The following JPH2 variants were observed in gnomAD, a reference collection of about 807,000 sequenced individuals.
JPH2 encodes junctophilin-2.
A neutral mutation model predicts 55.9 loss-of-function variants in JPH2; 38 were observed. That is an observed-to-expected ratio of 0.68 (90% CI 0.52 to 0.89). The LOEUF (loss-of-function observed/expected upper bound fraction) is 0.89, where lower values mean the gene tolerates loss of function less well. Among genes scored for constraint, JPH2 ranks in the 40% least tolerant of loss-of-function variants. The probability of loss-of-function intolerance (pLI) is 0.00; values close to 1 mark genes in which losing one functional copy is unlikely to be tolerated. For missense variants in JPH2, 964 were observed against 1,037.6 expected (o/e 0.93, Z 0.97); for synonymous variants, 480 against 472.4 (o/e 1.02, Z -0.21).
Position 44,114,813 on chromosome 20 carries a change from C to G in JPH2, c.2074G>C (p.Val692Leu). 1 of 1,606,334 alleles carries G rather than the reference C, an allele frequency of 6.2e-7. No homozygotes were observed. Among genetic ancestry groups the G allele is most frequent in the Non-Finnish European group, 8.5e-7 (1 of 1,177,156 alleles). ...LLNIGLAILF[V>L]HLLT ...AGCGACGGTCAGGTCAGGAGGTGAA[C>G]AAAGAGGATGGCCAGGCCGATGTTC... is the stretch of plus-strand genomic sequence containing the variant. The change falls in exon 5 of 6, where the codon GTT (valine) becomes CTT (leucine). Residue 692 changes from valine to leucine, a missense_variant. Coordinates refer to ENST00000372980, the MANE Select transcript of JPH2 (RefSeq NM_020433.5).
intron 3 of JPH2, 59 bp from the exon 4 acceptor site, chr20:44,116,445 G>C (rs2072193704): frequency 6.5e-7 from 1 of 1,534,568 alleles, no homozygotes; most frequent in Admixed American, 2.0e-5. Context: ...GGGTGATCCT[G>C]GGCCAGCCAC....
chr20:44,162,773 TATATATATATATATACACACAC>T lies in JPH2; in HGVS notation c.380-2388_380-2367del, dbSNP rs1413023879. ...ATATATATATATATATATATATATA[TATATATATATATATACACACAC>T]ACACACACACACACACACACACACA... On this transcript the variant is annotated intron_variant, in intron 1 of 5. Transcript: ENST00000372980. Among the ~76,000 whole-genome samples the T allele has an allele frequency of 4.5e-3, 371 of 81,888 alleles. 3 individuals are homozygous for T. The highest frequency in any genetic ancestry group is 0.018 in the African/African-American group (353 of 19,644). The allele number at this position is 81,888 out of a possible 152,430, so 53.7% of individuals were successfully genotyped here.
rs751173523 is a variant in JPH2 at position 44,159,700 on chromosome 20, G to T, written c.1087C>A (p.Arg363Ser). ...TCCACACTGTGCTCCACTTTCTGGC[G>T]GACCTTGTTGCTCTTGAGCTGCAGC... ...RMLQLKSNKVRQKVEHSVEGA... is the reference protein window; with the variant it reads ...RMLQLKSNKVSQKVEHSVEGA... The change falls in exon 2 of 6, where the codon CGC (arginine) becomes AGC (serine). Residue 363 changes from arginine (R) to serine (S), a missense_variant. By Grantham distance (110) the Arg-to-Ser change is moderately radical. Transcript: ENST00000372980. The surrounding 1 kb of genome is among the most constrained non-coding windows in gnomAD (Gnocchi z 5.7). 1.2e-6 allele frequency: 2 copies of T among 1,613,216 alleles called. No homozygotes were observed. Among genetic ancestry groups the T allele is most frequent in the Non-Finnish European group, 8.5e-7 (1 of 1,179,964 alleles).
chr20:44,115,783 G>A lies in JPH2; in HGVS notation c.1892C>T (p.Ala631Val), dbSNP rs2072184534. The A allele has an allele frequency of 5.6e-6, 9 of 1,610,590 alleles. No homozygotes were observed. Among genetic ancestry groups the A allele is most frequent in the Non-Finnish European group, 7.6e-6 (9 of 1,179,866 alleles). Reference sequence around the variant, plus strand: ...CTTGCGGGCCTTGGCCCTGGGCTCGGCTTTGGGGATGATGGGCTTGGGCTC... The same window carrying A: ...CTTGCGGGCCTTGGCCCTGGGCTCGACTTTGGGGATGATGGGCTTGGGCTC... ...KLEPKPIIPK[A>V]EPRAKARKTE... Residue 631 changes from alanine (A) to valine (V), a missense_variant, in exon 4 of 6, where the codon GCC becomes GTC. Physicochemically the swap from Ala to Val is moderately conservative, Grantham distance 64 (BLOSUM62 0). Coordinates refer to ENST00000372980, the MANE Select transcript of JPH2 (RefSeq NM_020433.5).
chr20:44,177,065 C>T (rs1053829138), intron 1 of JPH2: 17 of 985,418 alleles, frequency 1.7e-5, no homozygotes, highest in Middle Eastern at 5.2e-4. Context: ...GTGGATTCTG[C>T]CAGGCACAGA....
intron 1 of JPH2, chr20:44,178,030 A>G: frequency 1.2e-6 from 1 of 810,350 alleles, no homozygotes; most frequent in South Asian, 1.3e-5. Context: ...CCAGGTTCAT[A>G]TGGTTAAGAA....
At chr20:44,154,098 T>C (rs1420804086) in intron 2 of JPH2, among the ~76,000 whole-genome samples, 1 of 152,200 alleles carries the variant, frequency 6.6e-6, no homozygotes, top group Non-Finnish European at 1.5e-5. Context: ...TGAGTATATC[T>C]GTATCCTTTT....
In JPH2 at chr20:44,126,219, G is replaced by A. The variant is rs367750678; in HGVS notation, c.1170-7596C>T. 3.1e-4 allele frequency among the ~76,000 whole-genome samples: 44 copies of A among 139,872 alleles called. 1 individual carries two copies. In the South Asian group the frequency reaches 7.4e-3, roughly 24 times the overall value. 91.8% of individuals were successfully genotyped at this position (139,872 alleles called of 152,430 possible). A position where few individuals can be genotyped will look rare whatever the true frequency, so the allele number is the denominator to read the frequency against. ...GGAAGGAAGGAAGAAGGGGGGGAGG[G>A]GGCACAGTGTTTTGAAGGGGACTGA... On this transcript the variant is annotated intron_variant, in intron 2 of 5. Transcript: ENST00000372980.
chr20:44,131,029 C>T (rs2145850276), intron 2 of JPH2, among the ~76,000 whole-genome samples: 1 of 152,306 alleles, frequency 6.6e-6, no homozygotes, highest in Admixed American at 6.5e-5. Flanking sequence ...TTCTCTTCTT[C>T]AAAGTAAGAG....
At chr20:44,185,735 A>G (rs1184093931) in intron 1 of JPH2, among the ~76,000 whole-genome samples, 1 of 150,428 alleles carries the variant, frequency 6.6e-6, no homozygotes, top group Non-Finnish European at 1.5e-5. Flanking sequence ...GGGCAGGTAG[A>G]TGTATGAATG....
chr20:44,160,096 G>A lies in JPH2; in HGVS notation c.691C>T (p.Arg231Trp). The A allele has an allele frequency of 6.5e-7, 1 of 1,530,024 alleles. No homozygotes were observed. 94.8% of individuals were successfully genotyped at this position (1,530,024 alleles called of 1,614,324 possible). A position where few individuals can be genotyped will look rare whatever the true frequency, so the allele number is the denominator to read the frequency against. Residue 231 changes from arginine to tryptophan, a missense_variant, in exon 2 of 6, where the codon CGG (arginine) becomes TGG (tryptophan). Arg to Trp is a moderately radical substitution (Grantham distance 101, BLOSUM62 -3). Transcript: ENST00000372980. This position sits in a 1 kb window ranked among gnomAD's most constrained non-coding sequence, Gnocchi z 4.9. The part of the protein sequence containing the change: ...FQRGALLGKL[R>W]RAESRTSVGS... ...ACGGACGTGCGCGACTCTGCGCGCC[G>A]CAGCTTGCCCAGCAGCGCGCCCCGC... is the stretch of plus-strand genomic sequence containing the variant.
chr20:44,127,060 T>TCTATCATTTG (rs2072281947), intron 2 of JPH2, among the ~76,000 whole-genome samples: 1 of 152,212 alleles, frequency 6.6e-6, no homozygotes, highest in Non-Finnish European at 1.5e-5. Context: ...CTTCCAAAAT[T>TCTATCATTTG]CTATCATTTG....
At chr20:44,168,595 C>T (rs777038933) in intron 1 of JPH2, among the ~76,000 whole-genome samples, 29 of 151,992 alleles carry the variant, frequency 1.9e-4, no homozygotes, top group Non-Finnish European at 3.2e-4. Flanking sequence ...TTGGAAAAGC[C>T]GAAACTAAGA....
chr20:44,130,262 G>A (rs186625352), intron 2 of JPH2, among the ~76,000 whole-genome samples: 14 of 152,302 alleles, frequency 9.2e-5, no homozygotes, highest in Non-Finnish European at 1.6e-4. Context: ...CTGCTGCACC[G>A]CTTCAGCTCC....
At chr20:44,163,402 A>T (rs544391884) in intron 1 of JPH2, among the ~76,000 whole-genome samples, 127 of 152,262 alleles carry the variant, frequency 8.3e-4, no homozygotes, top group African/African-American at 2.7e-3. Flanking sequence ...GTAACTTTGG[A>T]GGCGAAGGAG....
Position 44,186,896 on chromosome 20 carries a change from G to T in JPH2, c.-191C>A. On this transcript the variant is annotated 5_prime_UTR_variant, in exon 1 of 6. Coordinates refer to ENST00000372980, the MANE Select transcript of JPH2 (RefSeq NM_020433.5). ...CGCCAAGTCAGCACCGGGTCGGCTA[G>T]TCAGTGCCATGCCCGGGAGCCCCGA... 1 of 620,452 alleles carries T rather than the reference G, an allele frequency of 1.6e-6. No individual in the cohort carries two copies. Among genetic ancestry groups the T allele is most frequent in the Non-Finnish European group, 2.8e-6 (1 of 354,530 alleles). 38.4% of individuals were successfully genotyped at this position (620,452 alleles called of 1,614,324 possible). A position where few individuals can be genotyped will look rare whatever the true frequency, so the allele number is the denominator to read the frequency against.
intron 1 of JPH2, among the ~76,000 whole-genome samples, chr20:44,178,612 T>G (rs2072754701): frequency 6.6e-6 from 1 of 152,160 alleles, no homozygotes. Flanking sequence ...TTGTTTTGTT[T>G]TGTTTTTGTT....
intron 2 of JPH2, among the ~76,000 whole-genome samples, chr20:44,119,184 A>G (rs145422002): frequency 1.4e-4 from 21 of 152,376 alleles, no homozygotes; most frequent in African/African-American, 4.6e-4. Flanking sequence ...CTATATCTTT[A>G]TAATCACATT....
rs1284848353 is a variant in JPH2, at chr20:44,108,258, A to T, written c.*5260T>A. 6.6e-6 allele frequency among the ~76,000 whole-genome samples: 1 copy of T among 152,228 alleles called. No homozygotes were observed. Among genetic ancestry groups the T allele is most frequent in the African/African-American group, 2.4e-5 (1 of 41,460 alleles). ...GGTGTTTAGCATTTGGAACCCTCCC[A>T]GATTCCTTCCTATGTCCCTTTCCCT... On this transcript the variant is annotated 3_prime_UTR_variant, in exon 6 of 6. Transcript: ENST00000372980.
Sources: allele counts gnomAD v4.1 joint callset (sites outside exome capture counted in the v4.1 genomes callset), GRCh38; gene constraint gnomAD v4.1.1; non-coding constraint Gnocchi (gnomAD v3.1); transcripts MANE v1.5; gene names NCBI Gene and HGNC (gene_info 2026-07-23, HGNC 2026-07-21).